The following UBE2N variants were observed in gnomAD, a reference collection of about 807,000 sequenced individuals.
UBE2N encodes the protein ubiquitin-conjugating enzyme E2 N.
For synonymous variants in UBE2N, 70 were observed against 69.2 expected (o/e 1.01, Z -0.06); for missense variants, 60 against 192.1 (o/e 0.31, Z 4.07).
At chr12:93,437,400 T>C (rs1296285302) in intron 1 of UBE2N, among the ~76,000 whole-genome samples, 3 of 150,184 alleles carry the variant, frequency 2.0e-5, no homozygotes, top group Non-Finnish European at 4.4e-5. Flanking sequence ...CATAGGTGGT[T>C]AGAGGGGAAG....
intron 1 of UBE2N, among the ~76,000 whole-genome samples, chr12:93,413,473 C>A (rs1878097740): frequency 6.6e-6 from 1 of 152,076 alleles, no homozygotes; most frequent in South Asian, 2.1e-4. Flanking sequence ...CCAGACCTCT[C>A]CCCTCATCGT....
chr12:93,429,313 T>G (rs1420566640), intron 1 of UBE2N: 2 of 419,318 alleles, frequency 4.8e-6, no homozygotes, highest in Non-Finnish European at 9.2e-6. Flanking sequence ...CTCAACTTGA[T>G]ATATAAATGA....
chr12:93,420,010 T>C (rs1195356765), intron 1 of UBE2N, among the ~76,000 whole-genome samples: 1 of 152,194 alleles, frequency 6.6e-6, no homozygotes, highest in Non-Finnish European at 1.5e-5. Flanking sequence ...TGGAGAATAA[T>C]GATTCTCAAG....
chr12:93,418,524 C>T (rs772347809), intron 1 of UBE2N, among the ~76,000 whole-genome samples: 1 of 151,842 alleles, frequency 6.6e-6, no homozygotes, highest in Non-Finnish European at 1.5e-5. Flanking sequence ...TATAGTAAAA[C>T]TGACTGCCTA....
intron 1 of UBE2N, among the ~76,000 whole-genome samples, chr12:93,417,755 T>A (rs1019084629): frequency 1.3e-5 from 2 of 152,124 alleles, no homozygotes; most frequent in Non-Finnish European, 1.5e-5. Flanking sequence ...CTCTGTAAAC[T>A]CCAACCTGTC....
intron 1 of UBE2N, among the ~76,000 whole-genome samples, chr12:93,427,834 T>C (rs751445097): frequency 3.3e-5 from 5 of 152,210 alleles, no homozygotes; most frequent in Non-Finnish European, 7.3e-5. Flanking sequence ...GAATTAGAGA[T>C]TGGAATAGTA....
At chr12:93,418,700 G>C (rs996365819) in intron 1 of UBE2N, among the ~76,000 whole-genome samples, 1 of 151,628 alleles carries the variant, frequency 6.6e-6, no homozygotes, top group African/African-American at 2.4e-5. Flanking sequence ...TACAAGCCAC[G>C]TAAGTATTTA....
rs1022972773 is a variant in UBE2N, at chr12:93,406,848, CAA to C, written c.*3189_*3190del. ...CCTAGAACCAGTTCCCGACAAATAC[CAA>C]GAGATGACTTTACTTTAGACCTAAG... On this transcript the variant is annotated 3_prime_UTR_variant, in exon 4 of 4. Coordinates refer to ENST00000318066, the MANE Select transcript of UBE2N (RefSeq NM_003348.4). The C allele has an allele frequency of 1.3e-5, 2 of 152,126 alleles. No individual in the cohort carries two copies. Among genetic ancestry groups the C allele is most frequent in the Admixed American group, 6.5e-5 (1 of 15,274 alleles). The allele number at this position is 152,126 out of a possible 1,614,324, so 9.4% of individuals were successfully genotyped here.
rs2121033695 is a variant in UBE2N at position 93,405,696 on chromosome 12, A to T, written c.*4343T>A. 1 of 152,324 alleles carries T rather than the reference A, an allele frequency of 6.6e-6. No individual in the cohort carries two copies. Among genetic ancestry groups the T allele is most frequent in the South Asian group, 2.1e-4 (1 of 4,822 alleles). 9.4% of individuals were successfully genotyped at this position (152,324 alleles called of 1,614,324 possible). ...AATATATTACTAGTCCAGGTGGTAG[A>T]TGACAGATTTTTATTATTTACACTT... On this transcript the variant is annotated 3_prime_UTR_variant, in exon 4 of 4. Transcript: ENST00000318066.
chr12:93,430,966 T>C (rs376632395), intron 1 of UBE2N, among the ~76,000 whole-genome samples: 175 of 148,344 alleles, frequency 1.2e-3, no homozygotes, highest in African/African-American at 3.2e-3. Context: ...CAGTGGCTCA[T>C]GCCTGTAATC....
chr12:93,423,493 C>T (rs1278361463), intron 1 of UBE2N, among the ~76,000 whole-genome samples: 3 of 152,150 alleles, frequency 2.0e-5, no homozygotes, highest in African/African-American at 7.2e-5. Flanking sequence ...CAAAGAACTT[C>T]TACTTAAAAC....
intron 1 of UBE2N, among the ~76,000 whole-genome samples, chr12:93,425,522 G>A (rs1323520683): frequency 6.6e-6 from 1 of 152,150 alleles, no homozygotes; most frequent in Non-Finnish European, 1.5e-5. Context: ...AACATTTGCA[G>A]ACCCAATGTT....
intron 1 of UBE2N, among the ~76,000 whole-genome samples, chr12:93,419,956 T>C (rs545301479): frequency 1.3e-5 from 2 of 152,312 alleles, no homozygotes; most frequent in African/African-American, 4.8e-5. Context: ...ATAAGCTAAC[T>C]GGGTCCATGA....
chr12:93,436,847 A>ACTGT (rs1473060697), intron 1 of UBE2N, among the ~76,000 whole-genome samples: 1 of 152,238 alleles, frequency 6.6e-6, no homozygotes, highest in East Asian at 1.9e-4. Flanking sequence ...AAACAGAACT[A>ACTGT]CTAAGACTCA....
intron 1 of UBE2N, among the ~76,000 whole-genome samples, chr12:93,435,760 A>G (rs1484596790): frequency 1.3e-5 from 2 of 152,252 alleles, no homozygotes; most frequent in Non-Finnish European, 2.9e-5. Context: ...AAATCCTATT[A>G]AAAAAGTAAA....
At chr12:93,426,292 C>G (rs967694980) in intron 1 of UBE2N, among the ~76,000 whole-genome samples, 1 of 150,868 alleles carries the variant, frequency 6.6e-6, no homozygotes, top group Non-Finnish European at 1.5e-5. Context: ...CAGCTTGAGT[C>G]TCCGAAAGAA....
At chr12:93,441,489 G>A (rs1445217762) in intron 1 of UBE2N, among the ~76,000 whole-genome samples, 2 of 149,956 alleles carry the variant, frequency 1.3e-5, no homozygotes, top group East Asian at 1.9e-4. Flanking sequence ...CGCGATTCCC[G>A]CGCGCCCGCG....
intron 1 of UBE2N, among the ~76,000 whole-genome samples, chr12:93,440,832 G>A (rs963284683): frequency 2.0e-5 from 3 of 152,166 alleles, no homozygotes; most frequent in South Asian, 2.1e-4. Flanking sequence ...CAAAATCAAA[G>A]AATCGAAAAT....
chr12:93,437,867 C>A (rs1162146917), intron 1 of UBE2N, among the ~76,000 whole-genome samples: 4 of 152,292 alleles, frequency 2.6e-5, no homozygotes, highest in Admixed American at 2.6e-4. Context: ...GAGGGATTCT[C>A]TACGTATCCT....
Sources: allele counts gnomAD v4.1 joint callset (sites outside exome capture counted in the v4.1 genomes callset), GRCh38; gene constraint gnomAD v4.1.1; transcripts MANE v1.5; gene names NCBI Gene and HGNC (gene_info 2026-07-23, HGNC 2026-07-21).